The following STAC2 variants were observed in gnomAD, a reference collection of about 807,000 sequenced individuals.
The protein encoded by STAC2 is SH3 and cysteine rich domain 2.
A neutral mutation model predicts 49.0 loss-of-function variants in STAC2; 36 were observed. That is an observed-to-expected ratio of 0.74 (90% CI 0.56 to 0.97). The LOEUF (loss-of-function observed/expected upper bound fraction) is 0.97. STAC2 is among the 50% of genes least tolerant of loss of function. The pLI is 0.00. For missense variants in STAC2, 527 were observed against 543.8 expected, an observed-to-expected ratio of 0.97 and a Z score of 0.31; for synonymous variants, 239 against 214.7, an observed-to-expected ratio of 1.11 and a Z score of -0.99.
rs754901277 is a variant in STAC2, at chr17:39,220,848, G to C, written c.91-2675C>G. Among the ~76,000 whole-genome samples the C allele has an allele frequency of 7.9e-5, 12 of 151,934 alleles. No individual in the cohort carries two copies. In the South Asian group the frequency reaches 2.1e-3, roughly 26 times the overall value. ...GTTTCACTCTGTCGCCCAGGCTGGA[G>C]TGCAGTGGTGCAATCTTGGCTCACT... is the stretch of plus-strand genomic sequence containing the variant. On this transcript the variant is annotated intron_variant, in intron 1 of 10. Transcript: ENST00000333461.
intron 1 of STAC2, among the ~76,000 whole-genome samples, chr17:39,224,861 A>G (rs2046496147): frequency 1.3e-5 from 2 of 152,008 alleles, no homozygotes. Flanking sequence ...CCCGAGCCCA[A>G]CAGGGCTAGG....
At chr17:39,213,824 C>T (rs2046376780) in intron 8 of STAC2, among the ~76,000 whole-genome samples, 2 of 152,042 alleles carry the variant, frequency 1.3e-5, no homozygotes, top group Non-Finnish European at 1.5e-5. Context: ...TTACAGGCAC[C>T]TGCCACCATG....
intron 9 of STAC2, 141 bp downstream of exon 9, chr17:39,213,366 G>A: frequency 8.1e-7 from 1 of 1,228,450 alleles, no homozygotes; most frequent in Non-Finnish European, 1.1e-6. Flanking sequence ...CCAAGGGTTG[G>A]TCCTAGTTTT....
rs1056597970 is a variant in STAC2, at chr17:39,225,261, C to T, written c.90+152G>A. 11 of 630,222 alleles carry T rather than the reference C, an allele frequency of 1.7e-5. No individual in the cohort carries two copies. The highest frequency in any genetic ancestry group is 2.6e-5 in the Non-Finnish European group (10 of 384,998). 39.0% of individuals were successfully genotyped at this position (630,222 alleles called of 1,614,324 possible). On this transcript the variant is annotated intron_variant, in intron 1 of 10. Transcript: ENST00000333461. This position sits in a 1 kb window ranked among gnomAD's most constrained non-coding sequence, Gnocchi z 8.2. ...GCTCCTTGTGGCCCCTCGTCGCCAA[C>T]CCACTCCTACCCCCGGGAGCGGCGC...
chr17:39,222,836 G>A (rs2046475294), intron 1 of STAC2, among the ~76,000 whole-genome samples: 1 of 152,132 alleles, frequency 6.6e-6, no homozygotes, highest in Non-Finnish European at 1.5e-5. Context: ...ATCCTGGACG[G>A]CCCCTTATTT....
intron 1 of STAC2, among the ~76,000 whole-genome samples, chr17:39,221,593 T>TA (rs1356498722): frequency 6.6e-6 from 1 of 152,178 alleles, no homozygotes; most frequent in Non-Finnish European, 1.5e-5. Flanking sequence ...AACTGAGGCT[T>TA]ATAAGGGTTA....
intron 1 of STAC2, among the ~76,000 whole-genome samples, chr17:39,224,184 A>G (rs954691229): frequency 1.3e-5 from 2 of 152,166 alleles, no homozygotes; most frequent in Non-Finnish European, 2.9e-5. Flanking sequence ...AAGATGGAAG[A>G]AGGAGGAAGG....
intron 1 of STAC2, among the ~76,000 whole-genome samples, chr17:39,220,149 T>A (rs2046447325): frequency 6.6e-6 from 1 of 152,180 alleles, no homozygotes; most frequent in East Asian, 1.9e-4. Context: ...TCTTTGTGTA[T>A]CTATGAGAAG....
chr17:39,220,036 C>A (rs892956680), intron 1 of STAC2, among the ~76,000 whole-genome samples: 1 of 152,218 alleles, frequency 6.6e-6, no homozygotes, highest in Non-Finnish European at 1.5e-5. Context: ...GGGCACAAGG[C>A]AGGCTCTGGT....
chr17:39,222,794 C>T (rs981340160), intron 1 of STAC2, among the ~76,000 whole-genome samples: 16 of 152,276 alleles, frequency 1.1e-4, no homozygotes, highest in Middle Eastern at 6.8e-3. Flanking sequence ...GAGACAGGGC[C>T]TGGCCTGCCT....
rs1011914301 is a variant in STAC2, at chr17:39,219,150, G to A, written c.91-977C>T. On this transcript the variant is annotated intron_variant, in intron 1 of 10. Coordinates refer to ENST00000333461, the MANE Select transcript of STAC2 (RefSeq NM_198993.5). ...ACTCTTCCTAGCTCCTCGGGACACC[G>A]TCCAAGGCTCTCGCCCCAGCCACGA... Among the ~76,000 whole-genome samples the A allele has an allele frequency of 3.3e-5, 5 of 152,068 alleles. No homozygotes were observed. The East Asian group carries it at 7.7e-4, about 23-fold the overall frequency.
intron 1 of STAC2, among the ~76,000 whole-genome samples, chr17:39,220,325 T>C (rs1300623252): frequency 6.6e-6 from 1 of 152,158 alleles, no homozygotes; most frequent in Admixed American, 6.5e-5. Flanking sequence ...AACCGTCCAC[T>C]GTTCTGTCCA....
chr17:39,225,340 C>T lies in STAC2; in HGVS notation c.90+73G>A. The T allele has an allele frequency of 7.4e-7, 1 of 1,342,600 alleles. No homozygotes were observed. Among genetic ancestry groups the T allele is most frequent in the Non-Finnish European group, 1.0e-6 (1 of 997,552 alleles). 83.2% of individuals were successfully genotyped at this position (1,342,600 alleles called of 1,614,324 possible). On this transcript the variant is annotated intron_variant, in intron 1 of 10. Coordinates refer to ENST00000333461, the MANE Select transcript of STAC2 (RefSeq NM_198993.5). The surrounding 1 kb of genome is among the most constrained non-coding windows in gnomAD (Gnocchi z 8.2). Reference sequence around the variant, plus strand: ...GACCGCGACCCTAGGACGCCCGGGCCCACAGGAGGACCCCGCCGGGAAGAG... The same window carrying T: ...GACCGCGACCCTAGGACGCCCGGGCTCACAGGAGGACCCCGCCGGGAAGAG...
chr17:39,213,417 C>A, intron 9 of STAC2, 90 bp downstream of exon 9: 1 of 1,508,494 alleles, frequency 6.6e-7, no homozygotes, highest in Non-Finnish European at 9.1e-7. Context: ...TCTTTGGGGC[C>A]TGGAGAGAAG....
At chr17:39,217,025 G>C in intron 3 of STAC2, 51 bp downstream of exon 3, 1 of 1,609,492 alleles carries the variant, frequency 6.2e-7, no homozygotes, top group Non-Finnish European at 8.5e-7. Context: ...TCTCCCATGT[G>C]ACAGTACTGG....
intron 2 of STAC2, 24 bp from the exon 3 acceptor site, chr17:39,217,197 A>G (rs763150756): frequency 6.8e-6 from 11 of 1,608,962 alleles, no homozygotes; most frequent in Non-Finnish European, 8.5e-7. Flanking sequence ...GGGTTCAGCA[A>G]TTGAGGACAC....
In STAC2 at chr17:39,217,917, T is replaced by A; in HGVS notation, c.347A>T (p.His116Leu). Residue 116 changes from histidine (H) to leucine (L), a missense_variant, in exon 2 of 11, where the codon CAT becomes CTT. By Grantham distance (99) the His-to-Leu change is moderately conservative. Coordinates refer to ENST00000333461, the MANE Select transcript of STAC2 (RefSeq NM_198993.5). ...KPVRLHSFQE[H>L]VFKRASPCEL... The stretch of plus-strand genomic sequence containing the variant: ...ACAAGGGCTAGCTCGCTTGAAGACA[T>A]GTTCCTGGAAGCTGTGCAGCCTCAC... The A allele has an allele frequency of 6.2e-7, 1 of 1,606,766 alleles. No homozygotes were observed. Among genetic ancestry groups the A allele is most frequent in the Non-Finnish European group, 8.5e-7 (1 of 1,177,160 alleles).
intron 1 of STAC2, among the ~76,000 whole-genome samples, chr17:39,224,655 C>T (rs527473924): frequency 5.3e-5 from 8 of 152,318 alleles, no homozygotes; most frequent in Admixed American, 1.3e-4. Flanking sequence ...TCATTAATTA[C>T]GATGACTTCT....
In STAC2 at chr17:39,216,895, G is replaced by A. The variant is rs769747162; in HGVS notation, c.501C>T (p.Thr167=). ...SHQQCPGKTS[T]SFRRNFSSPL... ...GGGAACTGAAGTTGCGGCGGAAGGA[G>A]GTGGACTATGGCAAGAGAGGGCAGA... The change falls in exon 4 of 11, where the codon ACC becomes ACT. Residue 167 remains threonine (T), a synonymous_variant. Transcript: ENST00000333461. The A allele has an allele frequency of 1.0e-5, 16 of 1,600,256 alleles. No individual in the cohort carries two copies. The Admixed American group carries it at 1.9e-4, about 19-fold the overall frequency.
Sources: gnomAD v4.1 joint callset for allele counts (sites outside exome capture counted in the v4.1 genomes callset) on GRCh38, gnomAD v4.1.1 for gene constraint, Gnocchi (gnomAD v3.1) non-coding constraint, MANE v1.5 for transcripts, NCBI Gene and HGNC (gene_info 2026-07-23, HGNC 2026-07-21) for gene names.